Variants in PRKN observed in about 807,000 individuals in gnomAD.
PRKN encodes E3 ubiquitin-protein ligase parkin.
In PRKN, 56 loss-of-function variants were observed where a neutral mutation model predicts 59.5. The observed-to-expected ratio is 0.94, with a 90% CI of 0.76 to 1.18. The LOEUF (loss-of-function observed/expected upper bound fraction) is 1.18. Ranked by LOEUF, PRKN falls within the 50% of genes most tolerant of loss-of-function variation. The probability of loss-of-function intolerance (pLI) is 0.00; values close to 1 mark genes in which losing one functional copy is unlikely to be tolerated. For missense variants in PRKN, 657 were observed against 596.4 expected (o/e 1.10, Z -1.06); for synonymous variants, 250 against 222.1 (o/e 1.13, Z -1.12).
intron 6 of PRKN, among the ~76,000 whole-genome samples, chr6:161,873,206 C>T (rs917550495): frequency 6.6e-6 from 1 of 151,986 alleles, no homozygotes; most frequent in African/African-American, 2.4e-5. Context: ...ACGCGTCAGT[C>T]TCAGGGACTC....
intron 6 of PRKN, among the ~76,000 whole-genome samples, chr6:161,869,029 C>G (rs1333736697): frequency 6.6e-6 from 1 of 152,144 alleles, no homozygotes; most frequent in Admixed American, 6.5e-5. Flanking sequence ...TGGAACTAAA[C>G]CACATTTTCC....
chr6:162,220,498 A>C (rs1031384188), intron 3 of PRKN, among the ~76,000 whole-genome samples: 1 of 152,234 alleles, frequency 6.6e-6, no homozygotes, highest in African/African-American at 2.4e-5. Flanking sequence ...TAAATCAATC[A>C]AGGGTAAGAA....
intron 2 of PRKN, among the ~76,000 whole-genome samples, chr6:162,345,779 T>A (rs943468015): frequency 6.6e-6 from 1 of 152,202 alleles, no homozygotes; most frequent in African/African-American, 2.4e-5. Flanking sequence ...TGTAGTCACA[T>A]TAGCTATGAA....
chr6:162,218,943 A>T (rs6908593), intron 3 of PRKN, among the ~76,000 whole-genome samples: 16,483 of 152,208 alleles, frequency 0.11, 1,010 homozygotes, highest in South Asian at 0.26. Flanking sequence ...AGAGGCCAAG[A>T]AAGGTGGATC....
rs139711282 is a variant in PRKN at position 161,433,683 on chromosome 6, T to G, written c.1084-46806A>C. ...CTCTGGTGTACAGATTCTATTTCTG[T>G]CATTTAAAAGATTGCTGTCTCTCTT... On this transcript the variant is annotated intron_variant, in intron 9 of 11. Transcript: ENST00000366898. Among the ~76,000 whole-genome samples the G allele has an allele frequency of 2.6e-5, 4 of 152,248 alleles. No individual in the cohort carries two copies. In the South Asian group the frequency reaches 8.3e-4, roughly 32 times the overall value.
intron 6 of PRKN, among the ~76,000 whole-genome samples, chr6:161,897,873 A>C (rs1297026508): frequency 6.8e-6 from 1 of 146,126 alleles, no homozygotes; most frequent in African/African-American, 2.6e-5. Context: ...AGGCTGAGGC[A>C]GGAGAATGGC....
At chr6:162,014,937 C>G (rs1221158120) in intron 5 of PRKN, among the ~76,000 whole-genome samples, 2 of 151,994 alleles carry the variant, frequency 1.3e-5, no homozygotes, top group African/African-American at 4.8e-5. Context: ...TTAGGCAACC[C>G]CTAGGTTGTT....
intron 6 of PRKN, among the ~76,000 whole-genome samples, chr6:161,867,112 T>C (rs537377875): frequency 5.9e-5 from 9 of 152,338 alleles, no homozygotes; most frequent in African/African-American, 2.2e-4. Context: ...TTTTCATCAG[T>C]CTTTATTTTA....
chr6:162,542,219 A>G (rs749630532), intron 1 of PRKN, among the ~76,000 whole-genome samples: 8 of 152,166 alleles, frequency 5.3e-5, no homozygotes, highest in Non-Finnish European at 1.5e-5. Flanking sequence ...TTTGATGTCT[A>G]GATAGGTATT....
intron 1 of PRKN, among the ~76,000 whole-genome samples, chr6:162,630,582 T>C (rs1783072769): frequency 6.6e-6 from 1 of 152,168 alleles, no homozygotes; most frequent in Admixed American, 6.6e-5. Context: ...AAGATTCTTC[T>C]ACCTCCAATA....
chr6:162,262,746 T>G lies in PRKN; in HGVS notation c.191A>C (p.Gln64Pro), dbSNP rs373204115. 1.1e-5 allele frequency: 17 copies of G among 1,606,628 alleles called. No homozygotes were observed. Among genetic ancestry groups the G allele is most frequent in the Non-Finnish European group, 1.4e-5 (16 of 1,179,190 alleles). ...WTVQNCDLDQ[Q>P]SIVHIVQRPW... ...TCTCTGCACAATGTGAACAATGCTCTGCTGATCCAGGTCACAATTCTGTTT... is the reference window on the plus strand; with the variant it reads ...TCTCTGCACAATGTGAACAATGCTCGGCTGATCCAGGTCACAATTCTGTTT... The change falls in exon 3 of 12, where the codon CAG becomes CCG. Residue 64 changes from glutamine (Q) to proline (P), a missense_variant. Coordinates refer to ENST00000366898, the MANE Select transcript of PRKN (RefSeq NM_004562.3).
At chr6:162,246,503 G>C (rs936972415) in intron 3 of PRKN, among the ~76,000 whole-genome samples, 1 of 152,122 alleles carries the variant, frequency 6.6e-6, no homozygotes, top group Admixed American at 6.6e-5. Context: ...AGCAAACTCT[G>C]AGTACTTCAA....
At chr6:161,799,326 A>G (rs1011532506) in intron 6 of PRKN, among the ~76,000 whole-genome samples, 2 of 152,242 alleles carry the variant, frequency 1.3e-5, no homozygotes, top group Non-Finnish European at 2.9e-5. Flanking sequence ...ATGAATGACT[A>G]TCAAGGAACA....
intron 1 of PRKN, among the ~76,000 whole-genome samples, chr6:162,582,466 C>T (rs1449343678): frequency 1.3e-5 from 2 of 152,092 alleles, no homozygotes; most frequent in Admixed American, 6.5e-5. Flanking sequence ...TTTGTGTTCA[C>T]GGAGTTATCC....
intron 4 of PRKN, among the ~76,000 whole-genome samples, chr6:162,199,198 G>A (rs142992505): frequency 6.1e-5 from 9 of 147,590 alleles, no homozygotes; most frequent in Non-Finnish European, 1.2e-4. Context: ...GACATCTATC[G>A]TAATTATATC....
rs190982664 is a variant in PRKN, at chr6:161,399,793, G to A, written c.1084-12916C>T. Among the ~76,000 whole-genome samples, 37 of 152,058 alleles carry A rather than the reference G, an allele frequency of 2.4e-4. No homozygotes were observed. Among genetic ancestry groups the A allele is most frequent in the Middle Eastern group, 3.4e-3 (1 of 294 alleles). On this transcript the variant is annotated intron_variant, in intron 9 of 11. Coordinates refer to ENST00000366898, the MANE Select transcript of PRKN (RefSeq NM_004562.3). The surrounding 1 kb of genome is among the most constrained non-coding windows in gnomAD (Gnocchi z 4.4). The stretch of plus-strand genomic sequence containing the variant: ...TTGTCTTTTTGATTTTGAAACCACC[G>A]TGAAAGGATACAGCCTAGAACAGTG...
chr6:161,698,266 A>G (rs1786106873), intron 7 of PRKN, among the ~76,000 whole-genome samples: 1 of 152,268 alleles, frequency 6.6e-6, no homozygotes, highest in Non-Finnish European at 1.5e-5. Context: ...ATAGTAGGAT[A>G]ATGGGCCTTA....
chr6:161,633,124 T>A (rs534193106), intron 7 of PRKN, among the ~76,000 whole-genome samples: 1 of 152,328 alleles, frequency 6.6e-6, no homozygotes, highest in East Asian at 1.9e-4. Flanking sequence ...CCGGAAAATG[T>A]AAAGGTATGA....
chr6:161,993,284 C>A (rs74355905), intron 5 of PRKN, among the ~76,000 whole-genome samples: 1 of 152,008 alleles, frequency 6.6e-6, no homozygotes, highest in Non-Finnish European at 1.5e-5. Context: ...ACTAGCACCA[C>A]AGAAATACAA....
Sources: gnomAD v4.1 joint callset for allele counts (sites outside exome capture counted in the v4.1 genomes callset) on GRCh38, gnomAD v4.1.1 for gene constraint, Gnocchi (gnomAD v3.1) non-coding constraint, MANE v1.5 for transcripts, NCBI Gene and HGNC (gene_info 2026-07-23, HGNC 2026-07-21) for gene names.